Variants in LINGO2 observed in about 807,000 individuals in gnomAD.
The protein encoded by LINGO2 is leucine rich repeat and Ig domain containing 2.
LINGO2 carries 14 observed loss-of-function variants against 30.6 expected under a neutral mutation model. That is an observed-to-expected ratio of 0.46 (90% CI 0.30 to 0.72). LINGO2 has a LOEUF of 0.72. LINGO2 is among the 30% of genes least tolerant of loss of function. LINGO2 has a pLI of 0.07. For missense variants in LINGO2, 729 were observed against 751.7 expected (o/e 0.97, Z 0.35); for synonymous variants, 317 against 288.5 (o/e 1.10, Z -1.00).
intron 4 of LINGO2, among the ~76,000 whole-genome samples, chr9:28,185,437 G>A (rs1306317195): frequency 6.6e-6 from 1 of 151,638 alleles, no homozygotes; most frequent in East Asian, 1.9e-4. Flanking sequence ...CAGGTAAATG[G>A]TAAAAAAAAA....
At chr9:28,847,805 A>G in the LINGO2 span, among the ~76,000 whole-genome samples, 1 of 36,784 alleles carries the variant, frequency 2.7e-5, no homozygotes, top group Admixed American at 3.1e-4. Context: ...TATGTATAGT[A>G]TATATGTATA....
the LINGO2 span, among the ~76,000 whole-genome samples, chr9:28,999,255 A>G: frequency 6.6e-6 from 1 of 152,072 alleles, no homozygotes; most frequent in Non-Finnish European, 1.5e-5. Flanking sequence ...ACTCTATCTG[A>G]TCAGAGCCAA....
chr9:28,612,176 C>G (rs901155373), intron 1 of LINGO2, among the ~76,000 whole-genome samples: 1 of 152,092 alleles, frequency 6.6e-6, no homozygotes. Context: ...ATCCTTCTGC[C>G]TGTGCCTTCA....
chr9:28,789,256 G>A, the LINGO2 span, among the ~76,000 whole-genome samples: 2 of 152,106 alleles, frequency 1.3e-5, no homozygotes, highest in East Asian at 3.9e-4. Flanking sequence ...TCACTGTTTT[G>A]AGATAAGGAA....
chr9:29,136,987 A>G, the LINGO2 span, among the ~76,000 whole-genome samples: 1 of 152,184 alleles, frequency 6.6e-6, no homozygotes, highest in African/African-American at 2.4e-5. Flanking sequence ...CAATTATTGT[A>G]TCTCACTAAA....
the LINGO2 span, among the ~76,000 whole-genome samples, chr9:28,997,191 G>C: frequency 6.6e-6 from 1 of 152,182 alleles, no homozygotes; most frequent in East Asian, 1.9e-4. Context: ...CACTCTGGGA[G>C]GCCAAGGTGA....
At chr9:29,076,244 A>G in the LINGO2 span, among the ~76,000 whole-genome samples, 1 of 152,088 alleles carries the variant, frequency 6.6e-6, no homozygotes, top group African/African-American at 2.4e-5. Flanking sequence ...AGTATATTTC[A>G]TTACAAAGCA....
chr9:28,860,007 G>C, the LINGO2 span, among the ~76,000 whole-genome samples: 3 of 151,926 alleles, frequency 2.0e-5, no homozygotes, highest in African/African-American at 2.4e-5. Context: ...TAATGTTTTA[G>C]TAGAAGTATT....
At chr9:27,982,533 A>G (rs946251759) in intron 5 of LINGO2, among the ~76,000 whole-genome samples, 7 of 151,870 alleles carry the variant, frequency 4.6e-5, no homozygotes, top group African/African-American at 1.7e-4. Flanking sequence ...CAATTCCCTT[A>G]ATAACCATAT....
At chr9:29,093,386 GTAT>G in the LINGO2 span, among the ~76,000 whole-genome samples, 5 of 132,108 alleles carry the variant, frequency 3.8e-5, 2 homozygotes, top group African/African-American at 1.4e-4. Context: ...TGTTTTATCA[GTAT>G]TATTATTATT....
chr9:28,932,936 T>C, the LINGO2 span, among the ~76,000 whole-genome samples: 1 of 150,376 alleles, frequency 6.6e-6, no homozygotes, highest in African/African-American at 2.5e-5. Context: ...AGATGGAGTC[T>C]CACTCTGTCA....
chr9:28,402,853 C>G (rs1318058225), intron 2 of LINGO2, among the ~76,000 whole-genome samples: 1 of 152,126 alleles, frequency 6.6e-6, no homozygotes, highest in Non-Finnish European at 1.5e-5. Context: ...TCCCAAACAC[C>G]TTACACTTTT....
At chr9:28,132,274 T>G (rs1215505859) in intron 4 of LINGO2, among the ~76,000 whole-genome samples, 1 of 152,238 alleles carries the variant, frequency 6.6e-6, no homozygotes, top group Non-Finnish European at 1.5e-5. Context: ...CACCTCTAAT[T>G]GTTTTGTGTA....
chr9:28,885,448 C>G, the LINGO2 span, among the ~76,000 whole-genome samples: 1 of 106,342 alleles, frequency 9.4e-6, no homozygotes, highest in Non-Finnish European at 2.1e-5. Context: ...TATATACACA[C>G]ATATATACAT....
chr9:28,161,337 G>A (rs1191278848), intron 4 of LINGO2, among the ~76,000 whole-genome samples: 1 of 151,918 alleles, frequency 6.6e-6, no homozygotes, highest in African/African-American at 2.4e-5. Context: ...GGAAAATAAT[G>A]GTTGGCAATG....
the LINGO2 span, among the ~76,000 whole-genome samples, chr9:29,110,836 GC>G: frequency 6.6e-6 from 1 of 151,248 alleles, no homozygotes; most frequent in African/African-American, 2.4e-5. Context: ...GACTACAGGC[GC>G]TCGCCACCAC....
At chr9:28,297,639 G>A (rs1438900371) in intron 3 of LINGO2, among the ~76,000 whole-genome samples, 1 of 152,142 alleles carries the variant, frequency 6.6e-6, no homozygotes, top group African/African-American at 2.4e-5. Context: ...TAGGCCAAGG[G>A]AAAATCTACA....
the LINGO2 span, among the ~76,000 whole-genome samples, chr9:28,808,022 C>G: frequency 6.6e-6 from 1 of 152,158 alleles, no homozygotes; most frequent in Non-Finnish European, 1.5e-5. Flanking sequence ...CAACTTTTAG[C>G]ATTACCAATG....
chr9:28,430,031 C>G (rs1823582284), intron 2 of LINGO2, among the ~76,000 whole-genome samples: 1 of 152,022 alleles, frequency 6.6e-6, no homozygotes, highest in African/African-American at 2.4e-5. Flanking sequence ...TTCTCAGAAA[C>G]TACCAGGAAG....
Sources: allele counts gnomAD v4.1 joint callset (sites outside exome capture counted in the v4.1 genomes callset), GRCh38; gene constraint gnomAD v4.1.1; transcripts MANE v1.5; gene names NCBI Gene and HGNC (gene_info 2026-07-23, HGNC 2026-07-21).